The following PRRX1 variants were observed in gnomAD, a reference collection of about 807,000 sequenced individuals.
PRRX1 encodes the protein paired mesoderm homeobox protein 1.
Under a neutral mutation model 24.0 loss-of-function variants are expected in PRRX1, and 8 were observed. The ratio of observed to expected loss-of-function variants is 0.33; its 90% confidence interval spans 0.20 to 0.60. The LOEUF (loss-of-function observed/expected upper bound fraction) is 0.60, where lower values mean the gene tolerates loss of function less well. PRRX1 is among the 20% of genes least tolerant of loss of function. The pLI is 0.82. For missense variants in PRRX1, 281 were observed against 322.4 expected (o/e 0.87, Z 0.98); for synonymous variants, 160 against 131.7 (o/e 1.22, Z -1.47).
At chr1:170,712,222 G>A (rs2101911997) in intron 1 of PRRX1, among the ~76,000 whole-genome samples, 2 of 152,128 alleles carry the variant, frequency 1.3e-5, no homozygotes, top group South Asian at 2.1e-4. Flanking sequence ...AATTTAAGAA[G>A]GCAAGTTGGC....
At chr1:170,720,042 C>A in intron 2 of PRRX1, 141 bp downstream of exon 2, 1 of 1,143,478 alleles carries the variant, frequency 8.7e-7, no homozygotes, top group Non-Finnish European at 1.3e-6. Flanking sequence ...TTGAGGCAGG[C>A]ACATTGCTTG....
At chr1:170,679,809 T>A (rs1344924883) in intron 1 of PRRX1, among the ~76,000 whole-genome samples, 2 of 152,230 alleles carry the variant, frequency 1.3e-5, no homozygotes, top group Non-Finnish European at 2.9e-5. Context: ...ATGGATGATG[T>A]TTGCAATTTA....
chr1:170,689,828 CTCTCTCTCTCCCTCT>C (rs1473648029), intron 1 of PRRX1, among the ~76,000 whole-genome samples: 1 of 74,332 alleles, frequency 1.3e-5, no homozygotes, highest in Non-Finnish European at 2.8e-5. Context: ...CTCTCTCTCT[CTCTCTCTCTCCCTCT>C]CTCTCTCTCT....
intron 1 of PRRX1, among the ~76,000 whole-genome samples, chr1:170,700,735 C>G (rs922105975): frequency 2.0e-5 from 3 of 152,172 alleles, no homozygotes; most frequent in African/African-American, 7.2e-5. Flanking sequence ...CTGCCCTTAT[C>G]ACCCACTTTG....
intron 1 of PRRX1, among the ~76,000 whole-genome samples, chr1:170,710,747 G>A (rs918502186): frequency 6.6e-6 from 1 of 152,194 alleles, no homozygotes; most frequent in Admixed American, 6.5e-5. Flanking sequence ...AAGAGACCAG[G>A]AAGCTTGCTC....
At chr1:170,686,159 T>C (rs1197010257) in intron 1 of PRRX1, among the ~76,000 whole-genome samples, 1 of 129,116 alleles carries the variant, frequency 7.7e-6, no homozygotes, top group African/African-American at 2.9e-5. Context: ...AAAAGCCTGA[T>C]AGATCCTTAG....
At chr1:170,694,422 A>C (rs1200457675) in intron 1 of PRRX1, among the ~76,000 whole-genome samples, 2 of 152,174 alleles carry the variant, frequency 1.3e-5, no homozygotes. Context: ...GATTCTTATG[A>C]AATTTATATG....
At chr1:170,701,285 C>T (rs1654352011) in intron 1 of PRRX1, among the ~76,000 whole-genome samples, 2 of 152,294 alleles carry the variant, frequency 1.3e-5, no homozygotes, top group South Asian at 4.1e-4. Flanking sequence ...TGTTTTTCTT[C>T]ACTAAATTTT....
intron 3 of PRRX1, among the ~76,000 whole-genome samples, chr1:170,732,095 T>A (rs1256439051): frequency 4.6e-5 from 7 of 152,192 alleles, no homozygotes; most frequent in Admixed American, 4.6e-4. Flanking sequence ...TTCTGGTTGT[T>A]GTCATGTGCT....
chr1:170,734,839 C>T (rs1655552334), intron 3 of PRRX1, among the ~76,000 whole-genome samples: 1 of 152,134 alleles, frequency 6.6e-6, no homozygotes, highest in African/African-American at 2.4e-5. Flanking sequence ...GTTTTGACTC[C>T]GTGGTGTCCC....
At chr1:170,714,901 T>A (rs1024383215) in intron 1 of PRRX1, among the ~76,000 whole-genome samples, 2 of 152,166 alleles carry the variant, frequency 1.3e-5, no homozygotes, top group Non-Finnish European at 2.9e-5. Context: ...GGGCTTACAG[T>A]CTTCTTTTCT....
At chr1:170,681,711 C>T (rs1372936139) in intron 1 of PRRX1, among the ~76,000 whole-genome samples, 2 of 152,132 alleles carry the variant, frequency 1.3e-5, no homozygotes, top group Non-Finnish European at 2.9e-5. Flanking sequence ...CCACCCAGCC[C>T]TTATGAGCTC....
At chr1:170,705,087 C>T (rs945647967) in intron 1 of PRRX1, among the ~76,000 whole-genome samples, 4 of 152,116 alleles carry the variant, frequency 2.6e-5, no homozygotes, top group Non-Finnish European at 5.9e-5. Flanking sequence ...GGGAGAACAT[C>T]CTTAGTGATT....
intron 1 of PRRX1, among the ~76,000 whole-genome samples, chr1:170,682,746 G>GAA (rs1653597468): frequency 6.6e-6 from 1 of 151,882 alleles, no homozygotes; most frequent in African/African-American, 2.4e-5. Context: ...TTCTCCTGGG[G>GAA]AAAAAAGGCA....
intron 1 of PRRX1, among the ~76,000 whole-genome samples, chr1:170,665,202 T>A (rs1029922412): frequency 3.9e-5 from 6 of 152,238 alleles, no homozygotes; most frequent in African/African-American, 1.4e-4. Context: ...ACAGGCGAGC[T>A]GCATCCGGGA....
At position 170,712,040 on chromosome 1, in the gene PRRX1, G is replaced by A. The variant is rs189693896; in HGVS notation, c.242-7686G>A. ...AAATTAGTTAACCAAAAGCAAATAG[G>A]CTGGGAAATAATTGAATTTTCATAA... On this transcript the variant is annotated intron_variant, in intron 1 of 3. Transcript: ENST00000239461. Among the ~76,000 whole-genome samples, 425 of 152,254 alleles carry A rather than the reference G, an allele frequency of 2.8e-3. 2 individuals are homozygous for A. The highest frequency in any genetic ancestry group is 9.7e-3 in the African/African-American group (403 of 41,530).
rs927314280 is a variant in PRRX1, at chr1:170,687,517, C to T, written c.241+23058C>T. Among the ~76,000 whole-genome samples the T allele has an allele frequency of 2.0e-5, 3 of 152,260 alleles. No individual in the cohort carries two copies. The South Asian group carries it at 6.2e-4, about 32-fold the overall frequency. On this transcript the variant is annotated intron_variant, in intron 1 of 3. Transcript: ENST00000239461. ...CATGGACTTGATATAGCGCCCTTCTCCCGTCACTTAATTGTTCTATGAAGT... is the reference window on the plus strand; with the variant it reads ...CATGGACTTGATATAGCGCCCTTCTTCCGTCACTTAATTGTTCTATGAAGT...
rs889954616 is a variant in PRRX1 at position 170,739,385 on chromosome 1, A to G, written c.*3199A>G. 2.3e-5 allele frequency: 4 copies of G among 175,746 alleles called. No individual in the cohort carries two copies. The allele number at this position is 175,746 out of a possible 1,614,324, so 10.9% of individuals were successfully genotyped here. On this transcript the variant is annotated 3_prime_UTR_variant, in exon 4 of 4. Coordinates refer to ENST00000239461, the MANE Select transcript of PRRX1 (RefSeq NM_022716.4). ...TAGAAATGATTTCTTTTCAATAAAA[A>G]GAAAGAAGGACTCTACCATGTCTTT... is the stretch of plus-strand genomic sequence containing the variant.
At chr1:170,683,178 A>C (rs1031133551) in intron 1 of PRRX1, among the ~76,000 whole-genome samples, 1 of 152,246 alleles carries the variant, frequency 6.6e-6, no homozygotes, top group African/African-American at 2.4e-5. Context: ...TTAAAAGAAC[A>C]ACCCAACTGC....
Sources: allele counts gnomAD v4.1 joint callset (sites outside exome capture counted in the v4.1 genomes callset), GRCh38; gene constraint gnomAD v4.1.1; transcripts MANE v1.5; gene names NCBI Gene and HGNC (gene_info 2026-07-23, HGNC 2026-07-21).